Variants in CDH26 observed in about 807,000 individuals in gnomAD.
CDH26 encodes the protein cadherin 26.
Under a neutral mutation model 90.3 loss-of-function variants are expected in CDH26, and 83 were observed. The observed-to-expected ratio is 0.92, with a 90% CI of 0.77 to 1.10. The LOEUF (loss-of-function observed/expected upper bound fraction) is 1.10. CDH26 is among the 50% of genes least tolerant of loss of function. CDH26 has a pLI of 0.00. For synonymous variants in CDH26, 397 were observed against 396.3 expected (o/e 1.00, Z -0.02); for missense variants, 1,013 against 1,037.6 (o/e 0.98, Z 0.33).
Position 59,972,045 on chromosome 20 carries a change from G to A in CDH26, c.315G>A (p.Leu105=), listed in dbSNP as rs1432064461. ...TGGATGAATATCCAGAGATTGGTTT[G>A]TTTTCTCTAGAAGATCATGAGAACG... ...PGVDEYPEIG[L]FSLEDHENGR... The change falls in exon 4 of 18, where the codon TTG becomes TTA. Residue 105 remains leucine, a synonymous_variant. Transcript: ENST00000348616. 3 of 1,613,792 alleles carry A rather than the reference G, an allele frequency of 1.9e-6. No homozygotes were observed. The highest frequency in any genetic ancestry group is 2.5e-6 in the Non-Finnish European group (3 of 1,179,778).
chr20:59,985,177 C>T (rs750631502), intron 7 of CDH26, 48 bp downstream of exon 7: 1 of 1,607,156 alleles, frequency 6.2e-7, no homozygotes, highest in Non-Finnish European at 8.5e-7. Flanking sequence ...AACAAGTAGC[C>T]CTTGGGTCCT....
chr20:60,008,149 C>G (rs2061779535), intron 17 of CDH26, among the ~76,000 whole-genome samples: 1 of 152,116 alleles, frequency 6.6e-6, no homozygotes, highest in South Asian at 2.1e-4. Context: ...GGAACTCAGG[C>G]CTATGGAATG....
At position 59,994,402 on chromosome 20, in the gene CDH26, C is replaced by G. The variant is rs1302036224; in HGVS notation, c.1579C>G (p.Leu527Val). The change falls in exon 11 of 18, where the codon CTG becomes GTG. Residue 527 changes from leucine (L) to valine (V), a missense_variant. By Grantham distance (32) the Leu-to-Val change is conservative. Transcript: ENST00000348616. ...PLHIEAEDPD[L>V]EPFSDPFTFE... The stretch of plus-strand genomic sequence containing the variant: ...CCACATCGAGGCAGAGGATCCGGAC[C>G]TGGAGCCGTTCTCTGACCCATTTAC... 1.9e-6 allele frequency: 3 copies of G among 1,614,042 alleles called. No individual in the cohort carries two copies. The African/African-American group carries it at 4.0e-5, about 22-fold the overall frequency.
exon 8 of CDH26, chr20:60,031,319 T>A: frequency 8.5e-6 from 11 of 1,295,850 alleles, no homozygotes; most frequent in Non-Finnish European, 1.1e-5. Flanking sequence ...CCACAAGACA[T>A]TTACAAGGAG....
In CDH26 at chr20:59,992,604, A is replaced by G; in HGVS notation, c.1426+84A>G. The G allele has an allele frequency of 7.3e-7, 1 of 1,362,676 alleles. No individual in the cohort carries two copies. Among genetic ancestry groups the G allele is most frequent in the South Asian group, 1.2e-5 (1 of 84,282 alleles). 84.4% of individuals were successfully genotyped at this position (1,362,676 alleles called of 1,614,324 possible). A position where few individuals can be genotyped will look rare whatever the true frequency, so the allele number is the denominator to read the frequency against. On this transcript the variant is annotated intron_variant, in intron 10 of 17. Transcript: ENST00000348616. This position sits in a 1 kb window ranked among gnomAD's most constrained non-coding sequence, Gnocchi z 5.0. ...ATAACCCTGGTGAGCGTCTTTCAGC[A>G]CAGCAGAGAAAAGGATAAAATAAAC...
At position 59,996,007 on chromosome 20, in the gene CDH26, A is replaced by G. The variant is rs751837352; in HGVS notation, c.1841A>G (p.His614Arg). Reference sequence around the variant, plus strand: ...CTTGCAGATGCAGAAGTGGGGCTTCATGTGGGGGCCCTGTTCCCTGTCTGT... The same window carrying G: ...CTTGCAGATGCAGAAGTGGGGCTTCGTGTGGGGGCCCTGTTCCCTGTCTGT... ...VELADAEVGL[H>R]VGALFPVCAA... Residue 614 changes from histidine to arginine, a missense_variant, in exon 12 of 18, where the codon CAT (histidine) becomes CGT (arginine). By Grantham distance (29) the His-to-Arg change is conservative (BLOSUM62 0). Transcript: ENST00000348616. 1.9e-6 allele frequency: 3 copies of G among 1,614,054 alleles called. No individual in the cohort carries two copies. Among genetic ancestry groups the G allele is most frequent in the South Asian group, 1.1e-5 (1 of 91,076 alleles).
chr20:59,996,121 G>C (rs373583502), intron 12 of CDH26, 67 bp downstream of exon 12: 1 of 1,486,900 alleles, frequency 6.7e-7, no homozygotes, highest in Admixed American at 1.8e-5. Flanking sequence ...CAGGGGTAAG[G>C]GGCTTGCTGG....
intron 7 of CDH26, chr20:59,986,114 C>A (rs1224587255): frequency 1.3e-5 from 2 of 152,358 alleles, no homozygotes; most frequent in Non-Finnish European, 1.5e-5. Flanking sequence ...AGAAGAATCA[C>A]CCTTGGGTGA....
intron 4 of CDH26, among the ~76,000 whole-genome samples, chr20:59,978,820 C>T (rs186738768): frequency 5.9e-5 from 9 of 152,316 alleles, no homozygotes; most frequent in African/African-American, 2.2e-4. Context: ...ATAACATTCA[C>T]TCTTCACTTA....
chr20:59,972,183 T>A, intron 4 of CDH26, 60 bp downstream of exon 4: 1 of 1,512,762 alleles, frequency 6.6e-7, no homozygotes, highest in Non-Finnish European at 9.0e-7. Context: ...GACTGTTGTA[T>A]TTGGTAAGCA....
In CDH26 at chr20:59,996,561, C is replaced by G. The variant is rs2061599575; in HGVS notation, c.1889-70C>G. The G allele has an allele frequency of 1.9e-6, 3 of 1,614,088 alleles. No homozygotes were observed. In the African/African-American group the frequency reaches 4.0e-5, roughly 22 times the overall value. On this transcript the variant is annotated intron_variant, in intron 12 of 17. Transcript: ENST00000348616. ...ATGACTGAGTTATACATGAACAGAA[C>G]AAGATCCTCATGAAACCTCTGATAT...
chr20:60,005,385 T>C (rs944709163), intron 16 of CDH26, among the ~76,000 whole-genome samples: 2 of 152,154 alleles, frequency 1.3e-5, no homozygotes, highest in African/African-American at 4.8e-5. Flanking sequence ...TATGTCTATA[T>C]GTATATGTAT....
chr20:59,982,405 G>A (rs2145983589), intron 4 of CDH26, among the ~76,000 whole-genome samples: 1 of 152,318 alleles, frequency 6.6e-6, no homozygotes, highest in East Asian at 1.9e-4. Flanking sequence ...TTTCACACAT[G>A]CATATTTGAC....
chr20:59,965,277 A>G (rs2061133025), intron 1 of CDH26, among the ~76,000 whole-genome samples: 2 of 152,226 alleles, frequency 1.3e-5, no homozygotes, highest in South Asian at 4.1e-4. Flanking sequence ...AAATAATGAT[A>G]GATTCTGACG....
At chr20:59,993,226 T>C (rs570711519) in intron 10 of CDH26, among the ~76,000 whole-genome samples, 4 of 152,290 alleles carry the variant, frequency 2.6e-5, no homozygotes, top group South Asian at 4.1e-4. Flanking sequence ...CATTCTGTTA[T>C]GGATGATTTT....
intron 16 of CDH26, among the ~76,000 whole-genome samples, chr20:60,003,349 G>A (rs1052131933): frequency 2.0e-5 from 3 of 152,072 alleles, no homozygotes; most frequent in African/African-American, 7.2e-5. Context: ...TACCAAAATA[G>A]CCAATAAAAA....
At chr20:59,967,796 C>T (rs1176861023) in intron 1 of CDH26, among the ~76,000 whole-genome samples, 1 of 128,158 alleles carries the variant, frequency 7.8e-6, no homozygotes, top group Non-Finnish European at 1.7e-5. Flanking sequence ...TTCCTTCCCT[C>T]CCTCCCTCCC....
At chr20:59,970,953 G>A (rs958737934) in intron 3 of CDH26, among the ~76,000 whole-genome samples, 8 of 151,970 alleles carry the variant, frequency 5.3e-5, no homozygotes, top group South Asian at 2.1e-4. Flanking sequence ...ACAATTAGGC[G>A]GGGCTTGAGT....
intron 7 of CDH26, among the ~76,000 whole-genome samples, chr20:60,027,080 AG>A (rs1186466416): frequency 6.6e-6 from 1 of 152,034 alleles, no homozygotes; most frequent in Admixed American, 6.5e-5. Flanking sequence ...GGGCATGCGG[AG>A]GGTAGGGGCA....
Sources: gnomAD v4.1 joint callset for allele counts (sites outside exome capture counted in the v4.1 genomes callset) on GRCh38, gnomAD v4.1.1 for gene constraint, Gnocchi (gnomAD v3.1) non-coding constraint, MANE v1.5 for transcripts, NCBI Gene and HGNC (gene_info 2026-07-23, HGNC 2026-07-21) for gene names.